Variants in LRBA observed in about 807,000 individuals in gnomAD.
LRBA encodes the protein lipopolysaccharide-responsive and beige-like anchor protein.
Under a neutral mutation model 330.0 loss-of-function variants are expected in LRBA, and 176 were observed. The observed-to-expected ratio is 0.53, with a 90% confidence interval of 0.47 to 0.60. The LOEUF (loss-of-function observed/expected upper bound fraction) is 0.60. Ranked by LOEUF, LRBA falls within the 20% of genes least tolerant of loss-of-function variation. The probability of loss-of-function intolerance (pLI) is 0.00; values close to 1 mark genes in which losing one functional copy is unlikely to be tolerated. For synonymous variants in LRBA, 1,230 were observed against 1,193.0 expected, an observed-to-expected ratio of 1.03 and a Z score of -0.64; for missense variants, 3,259 against 3,444.8, an observed-to-expected ratio of 0.95 and a Z score of 1.35.
At chr4:150,516,885 T>C (rs1296397976) in intron 40 of LRBA, among the ~76,000 whole-genome samples, 2 of 152,114 alleles carry the variant, frequency 1.3e-5, no homozygotes, top group Admixed American at 1.3e-4. Context: ...GAAATAATAG[T>C]TTTATTACAT....
intron 48 of LRBA, among the ~76,000 whole-genome samples, chr4:150,347,300 T>G (rs1736508533): frequency 6.6e-6 from 1 of 152,146 alleles, no homozygotes; most frequent in Non-Finnish European, 1.5e-5. Context: ...ATGGTGGTGA[T>G]GGCTGTACAA....
chr4:150,991,221 G>A (rs1324069040), intron 2 of LRBA, among the ~76,000 whole-genome samples: 1 of 152,178 alleles, frequency 6.6e-6, no homozygotes, highest in Non-Finnish European at 1.5e-5. Context: ...TGCTGACAAG[G>A]ATGGAGAACA....
At chr4:150,666,856 G>A (rs1781609401) in intron 37 of LRBA, among the ~76,000 whole-genome samples, 1 of 151,962 alleles carries the variant, frequency 6.6e-6, no homozygotes, top group Non-Finnish European at 1.5e-5. Context: ...TTATATTATT[G>A]ATGTCATTTT....
intron 40 of LRBA, among the ~76,000 whole-genome samples, chr4:150,554,579 T>C (rs959187072): frequency 1.3e-5 from 2 of 152,042 alleles, no homozygotes; most frequent in Admixed American, 6.6e-5. Flanking sequence ...TAAATGAAAA[T>C]TGACAATAAA....
intron 40 of LRBA, among the ~76,000 whole-genome samples, chr4:150,495,499 T>G (rs1472817005): frequency 6.6e-6 from 1 of 152,006 alleles, no homozygotes; most frequent in Non-Finnish European, 1.5e-5. Context: ...ACAATTAGGG[T>G]CAAAAAATTT....
chr4:151,005,040 G>A (rs982581361), intron 2 of LRBA, among the ~76,000 whole-genome samples: 5 of 151,736 alleles, frequency 3.3e-5, no homozygotes, highest in Non-Finnish European at 5.9e-5. Flanking sequence ...TGGAGGAGAG[G>A]GAAATAGTCA....
In LRBA at chr4:150,983,223, G is replaced by A. The variant is rs570331442; in HGVS notation, c.216+31204C>T. On this transcript the variant is annotated intron_variant, in intron 2 of 56. Coordinates refer to ENST00000651943, the MANE Select transcript of LRBA (RefSeq NM_001364905.1). ...CTGTAGTCCCAGCATTTGGGAGGCTGAGGCAAGCGGAACACTTGAAGCCAG... is the reference window on the plus strand; with the variant it reads ...CTGTAGTCCCAGCATTTGGGAGGCTAAGGCAAGCGGAACACTTGAAGCCAG... Among the ~76,000 whole-genome samples, 4 of 152,250 alleles carry A rather than the reference G, an allele frequency of 2.6e-5. No homozygotes were observed. In the South Asian group the frequency reaches 6.2e-4, roughly 24 times the overall value.
chr4:150,534,128 T>C (rs1166012465), intron 40 of LRBA, among the ~76,000 whole-genome samples: 2 of 151,996 alleles, frequency 1.3e-5, no homozygotes, highest in Non-Finnish European at 2.9e-5. Context: ...TTTTATCCAT[T>C]AAATTGTTTC....
rs765819758 is a variant in LRBA, at chr4:150,808,335, G to A, written c.5369C>T (p.Pro1790Leu). The part of the protein sequence containing the change: ...VPTVDSVSQD[P>L]VSNMSITERL... ...GCTTAAATACCTCATATTTGAAACC[G>A]GATCTTGTGAAACTGAATCAACTGT... The change falls in exon 32 of 57, where the codon CCG becomes CTG. Residue 1790 changes from proline (P) to leucine (L), a missense_variant. By Grantham distance (98) the Pro-to-Leu change is moderately conservative. Coordinates refer to ENST00000651943, the MANE Select transcript of LRBA (RefSeq NM_001364905.1). 1.6e-5 allele frequency: 25 copies of A among 1,611,072 alleles called. No individual in the cohort carries two copies. The highest frequency in any genetic ancestry group is 1.5e-4 in the South Asian group (14 of 90,760).
chr4:150,915,882 ATATC>A (rs1339720564), intron 7 of LRBA, among the ~76,000 whole-genome samples, 155 bp from the exon 8 acceptor site: 2 of 152,136 alleles, frequency 1.3e-5, no homozygotes, highest in African/African-American at 4.8e-5. Context: ...TTCTGGAACA[ATATC>A]TATTCATGGG....
rs75583313 is a variant in LRBA, at chr4:150,599,611, A to C, written c.5922-480T>G. 5.6e-4 allele frequency among the ~76,000 whole-genome samples: 85 copies of C among 152,356 alleles called. No individual in the cohort carries two copies. In the East Asian group the frequency reaches 0.012, roughly 21 times the overall value. On this transcript the variant is annotated intron_variant, in intron 37 of 56. Transcript: ENST00000651943. Reference sequence around the variant, plus strand: ...AATTTGTGCCTTTTTGCACAAGGTCAGTAAATCATACCATGAATTCTTGGT... The same window carrying C: ...AATTTGTGCCTTTTTGCACAAGGTCCGTAAATCATACCATGAATTCTTGGT...
At chr4:150,972,344 G>A (rs1739673531) in intron 2 of LRBA, among the ~76,000 whole-genome samples, 1 of 151,916 alleles carries the variant, frequency 6.6e-6, no homozygotes, top group African/African-American at 2.4e-5. Context: ...CTGTAGAAGA[G>A]TTAAATAGAA....
intron 2 of LRBA, among the ~76,000 whole-genome samples, chr4:150,996,540 TAC>T (rs1443450525): frequency 2.6e-5 from 4 of 152,178 alleles, no homozygotes; most frequent in African/African-American, 9.6e-5. Context: ...ATATCTTAAA[TAC>T]ATATAAACTA....
chr4:150,980,277 C>A (rs527442430), intron 2 of LRBA, among the ~76,000 whole-genome samples: 26 of 152,158 alleles, frequency 1.7e-4, no homozygotes, highest in African/African-American at 6.3e-4. Flanking sequence ...TTCAATGTCT[C>A]ACCGTGACAA....
chr4:150,983,708 G>T (rs1741116918), intron 2 of LRBA, among the ~76,000 whole-genome samples: 1 of 151,438 alleles, frequency 6.6e-6, no homozygotes, highest in Non-Finnish European at 1.5e-5. Flanking sequence ...GCCTGCCTCA[G>T]CCTCCCAAAC....
chr4:150,389,483 G>T (rs1743570693), intron 47 of LRBA, among the ~76,000 whole-genome samples: 1 of 152,056 alleles, frequency 6.6e-6, no homozygotes, highest in Non-Finnish European at 1.5e-5. Flanking sequence ...GAGGTGGGCA[G>T]ATTGCTTGAG....
chr4:150,711,999 C>G (rs866440543), intron 36 of LRBA, among the ~76,000 whole-genome samples: 1 of 152,138 alleles, frequency 6.6e-6, no homozygotes, highest in East Asian at 1.9e-4. Flanking sequence ...GACACCCTAT[C>G]TAGTCCATTT....
chr4:150,797,944 A>T (rs941930150), intron 34 of LRBA, 137 bp downstream of exon 34: 1 of 581,664 alleles, frequency 1.7e-6, no homozygotes, highest in African/African-American at 1.9e-5. Flanking sequence ...TTTGCAATAC[A>T]AACAAAATTA....
chr4:151,005,736 C>G (rs1404926061), intron 2 of LRBA, among the ~76,000 whole-genome samples: 1 of 151,146 alleles, frequency 6.6e-6, no homozygotes, highest in Non-Finnish European at 1.5e-5. Context: ...TCCCTAGTAA[C>G]TGGGACTACA....
Sources: gnomAD v4.1 joint callset for allele counts (sites outside exome capture counted in the v4.1 genomes callset) on GRCh38, gnomAD v4.1.1 for gene constraint, MANE v1.5 for transcripts, NCBI Gene and HGNC (gene_info 2026-07-23, HGNC 2026-07-21) for gene names.